Variants in RSRC1 observed in about 807,000 individuals in gnomAD.
The protein encoded by RSRC1 is serine/Arginine-related protein 53.
RSRC1 carries 39 observed loss-of-function variants against 49.1 expected under a neutral mutation model. The observed-to-expected ratio is 0.79, with a 90% CI of 0.61 to 1.04. The LOEUF (loss-of-function observed/expected upper bound fraction) is 1.04, where lower values mean the gene tolerates loss of function less well. Among genes scored for constraint, RSRC1 ranks in the 50% least tolerant of loss-of-function variants. RSRC1 has a pLI of 0.00. For missense variants in RSRC1, 388 were observed against 402.4 expected, an observed-to-expected ratio of 0.96 and a Z score of 0.31; for synonymous variants, 143 against 130.8, an observed-to-expected ratio of 1.09 and a Z score of -0.63.
At chr3:158,378,036 C>CT (rs1328545764) in intron 6 of RSRC1, among the ~76,000 whole-genome samples, 1 of 152,102 alleles carries the variant, frequency 6.6e-6, no homozygotes, top group Non-Finnish European at 1.5e-5. Flanking sequence ...ATTTTTTTCT[C>CT]TGAGTTTTCA....
intron 7 of RSRC1, among the ~76,000 whole-genome samples, chr3:158,503,741 C>G (rs111751916): frequency 1.2e-4 from 19 of 152,018 alleles, no homozygotes; most frequent in Non-Finnish European, 2.4e-4. Context: ...ACCGTGCCCC[C>G]CCAACAGCCC....
chr3:158,244,179 G>A (rs1723755178), intron 4 of RSRC1, among the ~76,000 whole-genome samples: 1 of 152,138 alleles, frequency 6.6e-6, no homozygotes, highest in South Asian at 2.1e-4. Context: ...GGAGTGGTGA[G>A]AGAGGGCATC....
At chr3:158,404,109 G>A (rs116577914) in intron 6 of RSRC1, among the ~76,000 whole-genome samples, 4,210 of 151,832 alleles carry the variant, frequency 0.028, 98 homozygotes, top group Non-Finnish European at 0.044. Context: ...ATCTTTCAAG[G>A]CCATGAATTT....
chr3:158,180,398 T>G (rs1388889401), intron 3 of RSRC1, among the ~76,000 whole-genome samples: 1 of 92,532 alleles, frequency 1.1e-5, no homozygotes, highest in Non-Finnish European at 2.1e-5. Context: ...AGGTTCTTTT[T>G]TTTTTTTTTT....
rs143400874 is a variant in RSRC1, at chr3:158,158,519, C to G, written c.320+34528C>G. On this transcript the variant is annotated intron_variant, in intron 3 of 9. Coordinates refer to ENST00000611884, the MANE Select transcript of RSRC1 (RefSeq NM_001271838.2). ...TTCTTCTGCCACAATTTTTTTCTCT[C>G]TTGGAGTAGTCCACATGAAATTGTC... is the stretch of plus-strand genomic sequence containing the variant. Among the ~76,000 whole-genome samples, 184 of 152,308 alleles carry G rather than the reference C, an allele frequency of 1.2e-3. 1 individual carries two copies. The highest frequency in any genetic ancestry group is 4.3e-3 in the African/African-American group (177 of 41,564).
At chr3:158,523,780 G>GC (rs1711842962) in intron 7 of RSRC1, among the ~76,000 whole-genome samples, 3 of 152,096 alleles carry the variant, frequency 2.0e-5, no homozygotes, top group Non-Finnish European at 4.4e-5. Context: ...AGAGGAATGA[G>GC]CAGGAGCATG....
At chr3:158,286,027 C>T (rs1222337007) in intron 4 of RSRC1, among the ~76,000 whole-genome samples, 9 of 152,042 alleles carry the variant, frequency 5.9e-5, no homozygotes, top group Admixed American at 2.0e-4. Context: ...ATAAAATTTT[C>T]CTAACTGTTT....
intron 5 of RSRC1, among the ~76,000 whole-genome samples, chr3:158,338,006 A>C (rs1246249850): frequency 6.6e-6 from 1 of 152,170 alleles, no homozygotes; most frequent in Non-Finnish European, 1.5e-5. Flanking sequence ...TTGTATGGCT[A>C]TGTATTTGTA....
At chr3:158,385,908 C>T (rs943828851) in intron 6 of RSRC1, among the ~76,000 whole-genome samples, 1 of 152,030 alleles carries the variant, frequency 6.6e-6, no homozygotes, top group Non-Finnish European at 1.5e-5. Context: ...TAGTCATTGT[C>T]GTTATCATAG....
chr3:158,118,462 T>TGTGTGCGCGCGC (rs1491469875), intron 1 of RSRC1, among the ~76,000 whole-genome samples: 175 of 124,682 alleles, frequency 1.4e-3, no homozygotes, highest in African/African-American at 1.7e-3. Context: ...TGTGTGTGTG[T>TGTGTGCGCGCGC]GCGCGTGCGC....
chr3:158,227,698 G>T (rs1459034925), intron 4 of RSRC1, among the ~76,000 whole-genome samples: 1 of 152,002 alleles, frequency 6.6e-6, no homozygotes, highest in East Asian at 1.9e-4. Flanking sequence ...AGAGAAATGT[G>T]AATTAATTTT....
intron 4 of RSRC1, among the ~76,000 whole-genome samples, chr3:158,252,271 C>T (rs1211152542): frequency 1.3e-5 from 2 of 152,086 alleles, no homozygotes; most frequent in Non-Finnish European, 2.9e-5. Context: ...ACGCCATTCT[C>T]CTGCCTCAGC....
At position 158,459,411 on chromosome 3, in the gene RSRC1, T is replaced by C. The variant is rs141383761; in HGVS notation, c.584-1524T>C. Reference sequence around the variant, plus strand: ...ACGTTGTTAATGGAGGTTCTTGAAATCCACCTGATGTTTGCATTATTAAAT... The same window carrying C: ...ACGTTGTTAATGGAGGTTCTTGAAACCCACCTGATGTTTGCATTATTAAAT... On this transcript the variant is annotated intron_variant, in intron 6 of 9. Transcript: ENST00000611884. Among the ~76,000 whole-genome samples, 16 of 152,238 alleles carry C rather than the reference T, an allele frequency of 1.1e-4. No homozygotes were observed. In the East Asian group the frequency reaches 2.3e-3, roughly 22 times the overall value.
At chr3:158,513,840 C>T (rs13089071) in intron 7 of RSRC1, among the ~76,000 whole-genome samples, 3 of 152,166 alleles carry the variant, frequency 2.0e-5, no homozygotes, top group African/African-American at 7.2e-5. Context: ...TCCTGGTTTA[C>T]TCTTGGGAGA....
intron 6 of RSRC1, among the ~76,000 whole-genome samples, chr3:158,437,314 T>C (rs975568301): frequency 6.6e-6 from 1 of 152,104 alleles, no homozygotes; most frequent in Admixed American, 6.6e-5. Context: ...AAATTGAAAA[T>C]GGTTTAATAA....
At chr3:158,532,538 A>G (rs1487988923) in intron 7 of RSRC1, among the ~76,000 whole-genome samples, 1 of 151,884 alleles carries the variant, frequency 6.6e-6, no homozygotes, top group Non-Finnish European at 1.5e-5. Context: ...GGAGAGCCTA[A>G]TTTTTATACT....
chr3:158,461,220 G>A (rs1477603058), intron 7 of RSRC1, among the ~76,000 whole-genome samples: 1 of 151,830 alleles, frequency 6.6e-6, no homozygotes, highest in Non-Finnish European at 1.5e-5. Context: ...CTGGGAAATT[G>A]GGAGGAGATA....
chr3:158,520,810 G>C (rs1711616759), intron 7 of RSRC1, among the ~76,000 whole-genome samples: 1 of 152,148 alleles, frequency 6.6e-6, no homozygotes, highest in Non-Finnish European at 1.5e-5. Context: ...AGACCTAGAA[G>C]TGTGTTATGC....
chr3:158,397,643 C>G (rs1372129739), intron 6 of RSRC1, among the ~76,000 whole-genome samples: 1 of 152,050 alleles, frequency 6.6e-6, no homozygotes, highest in East Asian at 1.9e-4. Flanking sequence ...ACTTTAATAT[C>G]TAGTAATAAT....
Sources: gnomAD v4.1 joint callset for allele counts (sites outside exome capture counted in the v4.1 genomes callset) on GRCh38, gnomAD v4.1.1 for gene constraint, MANE v1.5 for transcripts, NCBI Gene and HGNC (gene_info 2026-07-23, HGNC 2026-07-21) for gene names.